NLGN1: variants seen among roughly 807,000 people sequenced by gnomAD.
The protein encoded by NLGN1 is neuroligin-1.
In NLGN1, 12 loss-of-function variants were observed where a neutral mutation model predicts 65.5. The observed-to-expected ratio is 0.18, with a 90% CI of 0.12 to 0.30. The LOEUF is 0.30. NLGN1 is among the 10% of genes least tolerant of loss of function. The pLI, the probability that NLGN1 is intolerant of heterozygous loss-of-function variation, is 1.00. For missense variants in NLGN1, 750 were observed against 1,007.1 expected, an observed-to-expected ratio of 0.74 and a Z score of 3.46; for synonymous variants, 350 against 359.5, an observed-to-expected ratio of 0.97 and a Z score of 0.30.
chr3:173,539,692 A>ATATGCACATATATAACATACATATATGTG (rs1560406608), intron 2 of NLGN1, among the ~76,000 whole-genome samples: 3 of 135,018 alleles, frequency 2.2e-5, no homozygotes, highest in African/African-American at 8.9e-5. Context: ...ACATATATGT[A>ATATGCACATATATAACATACATATATGTG]CATATGCACA....
intron 4 of NLGN1, among the ~76,000 whole-genome samples, chr3:174,167,390 G>A (rs1202105620): frequency 6.6e-6 from 1 of 151,922 alleles, no homozygotes; most frequent in Non-Finnish European, 1.5e-5. Flanking sequence ...TGTTCTAGTG[G>A]CAACAAATTC....
At chr3:174,203,032 G>A (rs1286816353) in intron 4 of NLGN1, among the ~76,000 whole-genome samples, 1 of 152,104 alleles carries the variant, frequency 6.6e-6, no homozygotes, top group East Asian at 1.9e-4. Context: ...TTTGAGGGTA[G>A]AGCGTGTCAT....
intron 4 of NLGN1, among the ~76,000 whole-genome samples, chr3:174,242,841 G>T (rs916765280): frequency 6.6e-6 from 1 of 152,050 alleles, no homozygotes; most frequent in Admixed American, 6.6e-5. Flanking sequence ...CCACAAAACT[G>T]GTCCCCAGTG....
At chr3:173,940,419 C>G (rs1296230705) in intron 4 of NLGN1, among the ~76,000 whole-genome samples, 1 of 152,032 alleles carries the variant, frequency 6.6e-6, no homozygotes, top group African/African-American at 2.4e-5. Flanking sequence ...GGTTCCTGGT[C>G]TACAATATAT....
chr3:174,004,859 G>A (rs530209359), intron 4 of NLGN1, among the ~76,000 whole-genome samples: 2 of 151,930 alleles, frequency 1.3e-5, no homozygotes, highest in Non-Finnish European at 2.9e-5. Flanking sequence ...AATTACGTTC[G>A]TGTTAAATCT....
At chr3:173,521,188 A>G (rs991426301) in intron 2 of NLGN1, among the ~76,000 whole-genome samples, 1 of 152,254 alleles carries the variant, frequency 6.6e-6, no homozygotes, top group Non-Finnish European at 1.5e-5. Flanking sequence ...CATGGCAGAC[A>G]ACATACATAT....
intron 4 of NLGN1, among the ~76,000 whole-genome samples, chr3:173,832,694 AAC>A (rs1205616947): frequency 6.6e-6 from 1 of 152,230 alleles, no homozygotes; most frequent in Non-Finnish European, 1.5e-5. Context: ...TCACGTTAAA[AAC>A]ACATCGTTAT....
At chr3:173,940,046 A>G (rs1411912320) in intron 4 of NLGN1, among the ~76,000 whole-genome samples, 1 of 110,068 alleles carries the variant, frequency 9.1e-6, no homozygotes, top group South Asian at 2.9e-4. Flanking sequence ...AATTAAAACT[A>G]TTCTTTTTAA....
At chr3:173,450,215 C>G (rs926498456) in intron 2 of NLGN1, among the ~76,000 whole-genome samples, 3 of 152,070 alleles carry the variant, frequency 2.0e-5, no homozygotes, top group Non-Finnish European at 4.4e-5. Context: ...TGTTCCTTTC[C>G]ATGTTTAGTG....
At chr3:173,979,456 T>C (rs1367762514) in intron 4 of NLGN1, among the ~76,000 whole-genome samples, 2 of 152,110 alleles carry the variant, frequency 1.3e-5, no homozygotes, top group African/African-American at 4.8e-5. Flanking sequence ...GATTATTAAG[T>C]GTAAGAGCTT....
intron 3 of NLGN1, among the ~76,000 whole-genome samples, chr3:173,630,422 C>A (rs906171146): frequency 6.6e-6 from 1 of 151,310 alleles, no homozygotes; most frequent in African/African-American, 2.4e-5. Flanking sequence ...ACATAAAGCT[C>A]GGTATAAGCT....
intron 4 of NLGN1, among the ~76,000 whole-genome samples, chr3:173,957,180 T>C (rs1712289365): frequency 1.3e-5 from 2 of 152,292 alleles, no homozygotes; most frequent in South Asian, 4.1e-4. Flanking sequence ...TATGTCTTTC[T>C]GAGAAAATCA....
At chr3:173,983,832 T>C (rs913860977) in intron 4 of NLGN1, among the ~76,000 whole-genome samples, 9 of 152,192 alleles carry the variant, frequency 5.9e-5, no homozygotes, top group Non-Finnish European at 1.2e-4. Context: ...ATATGTTTTA[T>C]TTTTTAATGT....
chr3:174,197,751 C>CGTGTGTGTGTGT (rs71162378), intron 4 of NLGN1, among the ~76,000 whole-genome samples: 5,717 of 141,504 alleles, frequency 0.04, 153 homozygotes, highest in Admixed American at 0.065. Flanking sequence ...CCCATTATCT[C>CGTGTGTGTGTGT]GTGTGTGTGT....
intron 4 of NLGN1, among the ~76,000 whole-genome samples, chr3:174,145,317 A>T (rs756277784): frequency 3.0e-4 from 45 of 152,136 alleles, no homozygotes; most frequent in Non-Finnish European, 5.6e-4. Flanking sequence ...GACCGAGACC[A>T]TCCTGGCCAA....
At position 173,561,140 on chromosome 3, in the gene NLGN1, A is replaced by G. The variant is rs930819797; in HGVS notation, c.-320-43139A>G. Among the ~76,000 whole-genome samples, 7 of 152,324 alleles carry G rather than the reference A, an allele frequency of 4.6e-5. No homozygotes were observed. In the East Asian group the frequency reaches 1.2e-3, roughly 25 times the overall value. ...CTGGGCATAAGATTTCTGACACTGC[A>G]AAATGTCTATCATTACTTGGCAGGA... On this transcript the variant is annotated intron_variant, in intron 2 of 6. Transcript: ENST00000457714.
intron 4 of NLGN1, among the ~76,000 whole-genome samples, chr3:173,997,116 T>C (rs1722425514): frequency 6.6e-6 from 1 of 152,162 alleles, no homozygotes; most frequent in African/African-American, 2.4e-5. Flanking sequence ...AAACATGTTA[T>C]ACAATATAGG....
chr3:174,120,761 A>G (rs1393589703), intron 4 of NLGN1, among the ~76,000 whole-genome samples: 2 of 152,180 alleles, frequency 1.3e-5, no homozygotes, highest in Non-Finnish European at 2.9e-5. Flanking sequence ...TTTAATTGAC[A>G]GAGGAGAGTT....
intron 4 of NLGN1, among the ~76,000 whole-genome samples, chr3:173,864,580 A>G (rs1397752721): frequency 6.6e-6 from 1 of 152,208 alleles, no homozygotes; most frequent in African/African-American, 2.4e-5. Context: ...GCCTTCTCAA[A>G]AACATTCTTA....
Sources: gnomAD v4.1 joint callset for allele counts (sites outside exome capture counted in the v4.1 genomes callset) on GRCh38, gnomAD v4.1.1 for gene constraint, MANE v1.5 for transcripts, NCBI Gene and HGNC (gene_info 2026-07-23, HGNC 2026-07-21) for gene names.